Variants in CCDC38 observed in about 807,000 individuals in gnomAD.
CCDC38 encodes coiled-coil domain-containing protein 38.
A neutral mutation model predicts 72.8 loss-of-function variants in CCDC38; 69 were observed. That is an observed-to-expected ratio of 0.95 (90% CI 0.78 to 1.16). The LOEUF is 1.16. Ranked by LOEUF, CCDC38 falls within the 50% of genes most tolerant of loss-of-function variation. The pLI, the probability that CCDC38 is intolerant of heterozygous loss-of-function variation, is 0.00. For missense variants in CCDC38, 626 were observed against 638.9 expected (o/e 0.98, Z 0.22); for synonymous variants, 201 against 213.2 (o/e 0.94, Z 0.50).
chr12:95,876,287 T>A (rs2079634447), intron 13 of CCDC38, among the ~76,000 whole-genome samples: 1 of 152,182 alleles, frequency 6.6e-6, no homozygotes, highest in Admixed American at 6.5e-5. Context: ...TGCCAAGGGC[T>A]AGGAGAGGGA....
At chr12:95,892,129 G>C (rs930115679) in intron 8 of CCDC38, among the ~76,000 whole-genome samples, 1 of 125,460 alleles carries the variant, frequency 8.0e-6, no homozygotes, top group Admixed American at 9.1e-5. Flanking sequence ...CTGCTTTACT[G>C]TTTGATGTCC....
At chr12:95,875,397 T>A (rs2079624640) in intron 13 of CCDC38, among the ~76,000 whole-genome samples, 1 of 150,352 alleles carries the variant, frequency 6.7e-6, no homozygotes, top group South Asian at 2.1e-4. Flanking sequence ...AGTGAAATAC[T>A]GGATCAAGGG....
At chr12:95,901,316 G>C (rs77885810) in intron 5 of CCDC38, among the ~76,000 whole-genome samples, 2,518 of 152,286 alleles carry the variant, frequency 0.017, 71 homozygotes, top group African/African-American at 0.057. Flanking sequence ...ATACAGACTT[G>C]CAGGGGTAGG....
chr12:95,886,984 G>A (rs1375890738), intron 10 of CCDC38, among the ~76,000 whole-genome samples: 4 of 152,286 alleles, frequency 2.6e-5, no homozygotes, highest in Non-Finnish European at 4.4e-5. Flanking sequence ...AGAAGTTCGA[G>A]ACCAGCCTGA....
At chr12:95,929,954 A>G (rs887037951) in intron 2 of CCDC38, among the ~76,000 whole-genome samples, 2 of 152,096 alleles carry the variant, frequency 1.3e-5, no homozygotes, top group African/African-American at 4.8e-5. Context: ...CTCCAACTTC[A>G]CATGGCCTTC....
chr12:95,867,058 A>G lies in CCDC38; in HGVS notation c.*18T>C, dbSNP rs377664218. ...ACACCTAAGACATTCTGGTAATAAA[A>G]TGTCTTACTGCTTTTATTCAAGTAA... On this transcript the variant is annotated 3_prime_UTR_variant, in exon 16 of 16. Coordinates refer to ENST00000344280, the MANE Select transcript of CCDC38 (RefSeq NM_182496.3). The G allele has an allele frequency of 2.2e-6, 3 of 1,342,388 alleles. No homozygotes were observed. Among genetic ancestry groups the G allele is most frequent in the Non-Finnish European group, 3.2e-6 (3 of 941,774 alleles). 83.2% of individuals were successfully genotyped at this position (1,342,388 alleles called of 1,614,324 possible). A position where few individuals can be genotyped will look rare whatever the true frequency, so the allele number is the denominator to read the frequency against.
intron 10 of CCDC38, among the ~76,000 whole-genome samples, chr12:95,883,649 G>A (rs985292389): frequency 1.3e-5 from 2 of 152,182 alleles, no homozygotes; most frequent in Admixed American, 6.5e-5. Context: ...GGCACTCTGG[G>A]CTTATCCTTC....
chr12:95,917,063 G>C, intron 4 of CCDC38, 66 bp downstream of exon 4: 1 of 1,340,578 alleles, frequency 7.5e-7, no homozygotes, highest in Non-Finnish European at 1.0e-6. Flanking sequence ...CTCCAACAAA[G>C]CTCCCAAACC....
rs2079673703 is a variant in CCDC38, at chr12:95,879,493, T to A, written c.1142+151A>T. The A allele has an allele frequency of 4.2e-6, 2 of 475,708 alleles. No homozygotes were observed. Among genetic ancestry groups the A allele is most frequent in the African/African-American group, 3.8e-5 (2 of 52,090 alleles). 29.5% of individuals were successfully genotyped at this position (475,708 alleles called of 1,614,324 possible). A position where few individuals can be genotyped will look rare whatever the true frequency, so the allele number is the denominator to read the frequency against. ...CAGTCTATTCTGTGTAAATACGACGTCTACGTTTTGCACTCCACAATGTAA... is the reference window on the plus strand; with the variant it reads ...CAGTCTATTCTGTGTAAATACGACGACTACGTTTTGCACTCCACAATGTAA... On this transcript the variant is annotated intron_variant, in intron 12 of 15. Coordinates refer to ENST00000344280, the MANE Select transcript of CCDC38 (RefSeq NM_182496.3). The surrounding 1 kb of genome is among the most constrained non-coding windows in gnomAD (Gnocchi z 5.5).
chr12:95,890,181 G>T (rs1468062982), intron 9 of CCDC38, among the ~76,000 whole-genome samples: 1 of 152,124 alleles, frequency 6.6e-6, no homozygotes, highest in Non-Finnish European at 1.5e-5. Flanking sequence ...CAAAGTGCTG[G>T]GATTAAAGGT....
intron 4 of CCDC38, among the ~76,000 whole-genome samples, chr12:95,910,302 TACACACACAC>T (rs141853582): frequency 2.0e-4 from 29 of 148,424 alleles, no homozygotes; most frequent in African/African-American, 7.2e-4. Context: ...CCATTTACAT[TACACACACAC>T]ACACACACAC....
intron 1 of CCDC38, 138 bp from the exon 2 acceptor site, chr12:95,936,661 G>A: frequency 5.5e-6 from 3 of 547,052 alleles, no homozygotes; most frequent in Non-Finnish European, 3.1e-6. Context: ...CTTTGACCCA[G>A]CAATTTCAAT....
rs115929684 is a variant in CCDC38, at chr12:95,883,587, C to A, written c.921-2033G>T. On this transcript the variant is annotated intron_variant, in intron 10 of 15. Transcript: ENST00000344280. The stretch of plus-strand genomic sequence containing the variant: ...CACATTCACTGATCCTGCCCTTGCC[C>A]TCCCATGCCCTCACCTCTCCTCTGG... Among the ~76,000 whole-genome samples the A allele has an allele frequency of 6.3e-3, 959 of 152,334 alleles. 15 individuals are homozygous for A. The highest frequency in any genetic ancestry group is 0.022 in the African/African-American group (911 of 41,564).
chr12:95,871,385 TATATGCAA>T (rs2079578865), intron 14 of CCDC38, among the ~76,000 whole-genome samples: 1 of 152,210 alleles, frequency 6.6e-6, no homozygotes, highest in Non-Finnish European at 1.5e-5. Flanking sequence ...GTACGTAGGT[TATATGCAA>T]ATATGCCGTC....
At position 95,879,497 on chromosome 12, in the gene CCDC38, C is replaced by T. The variant is rs141898561; in HGVS notation, c.1142+147G>A. The T allele has an allele frequency of 2.1e-3, 1,012 of 481,930 alleles. 21 individuals are homozygous for T. The East Asian group carries it at 0.027, about 13-fold the overall frequency. The allele number at this position is 481,930 out of a possible 1,614,324, so 29.9% of individuals were successfully genotyped here. A position where few individuals can be genotyped will look rare whatever the true frequency, so the allele number is the denominator to read the frequency against. On this transcript the variant is annotated intron_variant, in intron 12 of 15. Transcript: ENST00000344280. The surrounding 1 kb of genome is among the most constrained non-coding windows in gnomAD (Gnocchi z 5.5). ...CTATTCTGTGTAAATACGACGTCTACGTTTTGCACTCCACAATGTAAACTA... is the reference window on the plus strand; with the variant it reads ...CTATTCTGTGTAAATACGACGTCTATGTTTTGCACTCCACAATGTAAACTA...
At chr12:95,924,305 A>G (rs2136728803) in intron 2 of CCDC38, among the ~76,000 whole-genome samples, 1 of 146,978 alleles carries the variant, frequency 6.8e-6, no homozygotes, top group East Asian at 2.0e-4. Context: ...GATGGTGAGC[A>G]TTTTTTCATG....
intron 8 of CCDC38, among the ~76,000 whole-genome samples, chr12:95,892,081 C>CT (rs67478657): frequency 0.034 from 3,290 of 97,946 alleles, 234 homozygotes; most frequent in East Asian, 0.23. Flanking sequence ...GATCACTCTG[C>CT]TTTTTTTTTT....
intron 4 of CCDC38, among the ~76,000 whole-genome samples, chr12:95,908,198 G>A (rs1053547322): frequency 1.3e-5 from 2 of 151,878 alleles, no homozygotes; most frequent in East Asian, 2.0e-4. Flanking sequence ...AGGAGACTCC[G>A]TCTGCAATCC....
chr12:95,907,188 T>C (rs1480759160), intron 4 of CCDC38, among the ~76,000 whole-genome samples: 1 of 144,560 alleles, frequency 6.9e-6, no homozygotes, highest in Non-Finnish European at 1.5e-5. Context: ...TTTTTCTTAG[T>C]ACAGAACAAA....
Sources: allele counts gnomAD v4.1 joint callset (sites outside exome capture counted in the v4.1 genomes callset), GRCh38; gene constraint gnomAD v4.1.1; non-coding constraint Gnocchi (gnomAD v3.1); transcripts MANE v1.5; gene names NCBI Gene and HGNC (gene_info 2026-07-23, HGNC 2026-07-21).